LARGE1: variants seen among roughly 807,000 people sequenced by gnomAD.
LARGE1 encodes xylosyl- and glucuronyltransferase LARGE1.
In LARGE1, 43 loss-of-function variants were observed where a neutral mutation model predicts 87.6. That is an observed-to-expected ratio of 0.49 (90% CI 0.38 to 0.63). LARGE1 has a LOEUF of 0.63. Among genes scored for constraint, LARGE1 ranks in the 30% least tolerant of loss-of-function variants. The pLI is 0.00. For missense variants in LARGE1, 802 were observed against 1,000.2 expected (o/e 0.80, Z 2.67); for synonymous variants, 434 against 394.6 (o/e 1.10, Z -1.18).
At chr22:33,631,678 A>T (rs1305556321) in intron 3 of LARGE1, among the ~76,000 whole-genome samples, 1 of 152,210 alleles carries the variant, frequency 6.6e-6, no homozygotes, top group Non-Finnish European at 1.5e-5. Flanking sequence ...TTTTACAGTT[A>T]ACTTTAAAAA....
intron 1 of LARGE1, among the ~76,000 whole-genome samples, chr22:33,878,284 C>A (rs189849197): frequency 4.6e-5 from 7 of 150,800 alleles, no homozygotes; most frequent in African/African-American, 1.5e-4. Context: ...ACTATAGGCA[C>A]CCGCCATCAC....
intron 1 of LARGE1, among the ~76,000 whole-genome samples, chr22:33,886,960 A>G (rs938563406): frequency 2.6e-5 from 4 of 152,150 alleles, no homozygotes; most frequent in Non-Finnish European, 5.9e-5. Flanking sequence ...AGTGCCTCGC[A>G]GGGCTTTACA....
intron 1 of LARGE1, among the ~76,000 whole-genome samples, chr22:33,866,815 T>A (rs1172777727): frequency 6.6e-6 from 1 of 151,900 alleles, no homozygotes. Flanking sequence ...TCCATTCACT[T>A]TTTTTTTCAA....
intron 6 of LARGE1, among the ~76,000 whole-genome samples, chr22:33,538,922 G>T (rs2077112570): frequency 6.6e-6 from 1 of 152,100 alleles, no homozygotes. Context: ...TTGAAACTAG[G>T]GTTTGTAACA....
intron 2 of LARGE1, among the ~76,000 whole-genome samples, chr22:33,688,245 C>T (rs1257687817): frequency 6.6e-6 from 1 of 152,166 alleles, no homozygotes; most frequent in Non-Finnish European, 1.5e-5. Flanking sequence ...TGGGTGAGTA[C>T]TAACTTGCTG....
intron 6 of LARGE1, among the ~76,000 whole-genome samples, chr22:33,479,186 G>C (rs1312132275): frequency 3.9e-5 from 6 of 152,140 alleles, no homozygotes; most frequent in Non-Finnish European, 5.9e-5. Flanking sequence ...TGCTGCCCTG[G>C]GGTTATGCCT....
At chr22:33,774,947 G>A (rs571687099) in intron 1 of LARGE1, among the ~76,000 whole-genome samples, 1 of 152,272 alleles carries the variant, frequency 6.6e-6, no homozygotes, top group African/African-American at 2.4e-5. Flanking sequence ...GACAGCCCAG[G>A]AAGCTTTGCC....
At chr22:33,487,106 C>T (rs1417218467) in intron 6 of LARGE1, among the ~76,000 whole-genome samples, 1 of 152,138 alleles carries the variant, frequency 6.6e-6, no homozygotes, top group Non-Finnish European at 1.5e-5. Context: ...AGCTTCCCGC[C>T]CCAACAAACC....
chr22:33,374,445 G>C (rs544919704), intron 9 of LARGE1, among the ~76,000 whole-genome samples: 4 of 152,246 alleles, frequency 2.6e-5, no homozygotes, highest in Non-Finnish European at 5.9e-5. Flanking sequence ...AAGATTCCAC[G>C]TAAGTTTCTC....
chr22:33,293,785 A>C (rs1007323287), intron 12 of LARGE1, among the ~76,000 whole-genome samples: 4 of 152,194 alleles, frequency 2.6e-5, no homozygotes, highest in Non-Finnish European at 5.9e-5. Flanking sequence ...CCTACATGTC[A>C]CTGGCTTATA....
chr22:33,449,096 T>TA (rs1477047765), intron 6 of LARGE1, among the ~76,000 whole-genome samples: 1 of 152,226 alleles, frequency 6.6e-6, no homozygotes, highest in African/African-American at 2.4e-5. Context: ...CCTTCCTTTT[T>TA]ACTGCTGAGT....
At chr22:33,729,661 G>C (rs1026830722) in intron 2 of LARGE1, among the ~76,000 whole-genome samples, 6 of 152,186 alleles carry the variant, frequency 3.9e-5, no homozygotes, top group African/African-American at 1.4e-4. Flanking sequence ...TTAAGGGCCT[G>C]CAAAGCCCAT....
intron 1 of LARGE1, among the ~76,000 whole-genome samples, chr22:33,915,238 A>G (rs1412780086): frequency 6.6e-6 from 1 of 152,166 alleles, no homozygotes; most frequent in African/African-American, 2.4e-5. Context: ...CCTCATCCCA[A>G]GAAACACACA....
intron 10 of LARGE1, among the ~76,000 whole-genome samples, chr22:33,317,326 C>A (rs1403215187): frequency 6.6e-6 from 1 of 152,132 alleles, no homozygotes; most frequent in South Asian, 2.1e-4. Context: ...TCCGTATGAC[C>A]TGATGCTTTT....
intron 11 of LARGE1, among the ~76,000 whole-genome samples, chr22:33,259,148 G>T (rs1014489654): frequency 2.6e-5 from 4 of 152,074 alleles, no homozygotes; most frequent in Non-Finnish European, 5.9e-5. Flanking sequence ...AAAATACTGG[G>T]ATTACAGGCA....
chr22:33,413,237 C>A (rs1673289495), intron 7 of LARGE1, among the ~76,000 whole-genome samples: 1 of 152,020 alleles, frequency 6.6e-6, no homozygotes, highest in South Asian at 2.1e-4. Context: ...AGTTTTAAAG[C>A]AACTGAACCA....
chr22:33,594,084 C>T (rs1602618451), intron 5 of LARGE1, among the ~76,000 whole-genome samples: 1 of 152,268 alleles, frequency 6.6e-6, no homozygotes. Context: ...ATTACTATTC[C>T]TAAAAGAAGG....
At chr22:33,236,089 C>A (rs5749582) in intron 11 of LARGE1, among the ~76,000 whole-genome samples, 1 of 152,130 alleles carries the variant, frequency 6.6e-6, no homozygotes, top group African/African-American at 2.4e-5. Context: ...CAGCAACCAC[C>A]ACAGCTGGAG....
At chr22:33,116,578 T>A in the LARGE1 span, among the ~76,000 whole-genome samples, 1 of 151,774 alleles carries the variant, frequency 6.6e-6, no homozygotes, top group African/African-American at 2.4e-5. Context: ...TTAGCCAGGA[T>A]GGTCTCGATC....
Sources: allele counts gnomAD v4.1 joint callset (sites outside exome capture counted in the v4.1 genomes callset), GRCh38; gene constraint gnomAD v4.1.1; transcripts MANE v1.5; gene names NCBI Gene and HGNC (gene_info 2026-07-23, HGNC 2026-07-21).